Variants in HSD17B12 observed in about 807,000 individuals in gnomAD.
The protein encoded by HSD17B12 is hydroxysteroid 17-beta dehydrogenase 12, also known as very-long-chain 3-oxoacyl-CoA reductase.
Under a neutral mutation model 39.3 loss-of-function variants are expected in HSD17B12, and 32 were observed. The observed-to-expected ratio is 0.81, with a 90% CI of 0.61 to 1.09. HSD17B12 has a LOEUF of 1.09. Among genes scored for constraint, HSD17B12 ranks in the 50% least tolerant of loss-of-function variants. The pLI is 0.00. For missense variants in HSD17B12, 342 were observed against 382.9 expected (o/e 0.89, Z 0.89); for synonymous variants, 150 against 146.7 (o/e 1.02, Z -0.16).
intron 3 of HSD17B12, among the ~76,000 whole-genome samples, chr11:43,763,938 G>A (rs1364953921): frequency 1.3e-5 from 2 of 152,110 alleles, no homozygotes; most frequent in East Asian, 3.9e-4. Context: ...TTGATACCAC[G>A]TTTGTCCAAG....
At chr11:43,853,254 G>C (rs1211542897) in intron 9 of HSD17B12, 1 of 148,034 alleles carries the variant, frequency 6.8e-6, no homozygotes, top group Non-Finnish European at 1.5e-5. Context: ...GGAGAATGGT[G>C]TGAACCCAGG....
At chr11:43,557,623 C>T in the HSD17B12 span, among the ~76,000 whole-genome samples, 1 of 152,302 alleles carries the variant, frequency 6.6e-6, no homozygotes. Flanking sequence ...CAGCTCACAA[C>T]CACCTGTAGA....
chr11:43,601,476 T>C, the HSD17B12 span, among the ~76,000 whole-genome samples: 1 of 151,322 alleles, frequency 6.6e-6, no homozygotes, highest in Non-Finnish European at 1.5e-5. Context: ...TTTGGTTTTT[T>C]CCTTGGGGTC....
At chr11:43,579,255 C>G in the HSD17B12 span, 1 of 152,310 alleles carries the variant, frequency 6.6e-6, no homozygotes. Flanking sequence ...CTCGCTCTCC[C>G]GCTAAGCGAC....
chr11:43,668,036 A>G, the HSD17B12 span, among the ~76,000 whole-genome samples: 4 of 152,290 alleles, frequency 2.6e-5, no homozygotes, highest in African/African-American at 9.6e-5. Context: ...GTAGGAGGCT[A>G]GGGACCAGAG....
intron 3 of HSD17B12, among the ~76,000 whole-genome samples, chr11:43,765,826 A>G (rs961912277): frequency 2.0e-5 from 3 of 152,096 alleles, no homozygotes; most frequent in Non-Finnish European, 4.4e-5. Flanking sequence ...TGCCAATTTT[A>G]TATCTTCTAC....
chr11:43,678,303 G>A (rs1820560794), upstream of HSD17B12, among the ~76,000 whole-genome samples: 1 of 152,070 alleles, frequency 6.6e-6, no homozygotes, highest in Non-Finnish European at 1.5e-5. Context: ...TTGTAAATTT[G>A]TTTGAGTTCT....
chr11:43,675,886 C>A (rs1056217277), upstream of HSD17B12, among the ~76,000 whole-genome samples: 4 of 152,024 alleles, frequency 2.6e-5, no homozygotes, highest in African/African-American at 9.7e-5. Flanking sequence ...CCCAGGCAGG[C>A]GGATAATTTG....
At chr11:43,819,772 T>C (rs1951163679) in intron 6 of HSD17B12, among the ~76,000 whole-genome samples, 2 of 152,184 alleles carry the variant, frequency 1.3e-5, no homozygotes, top group South Asian at 4.1e-4. Flanking sequence ...CTACTTACAA[T>C]TTTTATACAT....
chr11:43,750,955 G>C lies in HSD17B12; in HGVS notation c.205G>C (p.Glu69Gln), dbSNP rs149132795. The C allele has an allele frequency of 6.3e-7, 1 of 1,589,596 alleles. No individual in the cohort carries two copies. The highest frequency in any genetic ancestry group is 8.6e-7 in the Non-Finnish European group (1 of 1,162,940). ...TGGAATTGGAAAATCATATGCAGAA[G>C]AGGTAGGTGATTTTCAAGATCTTTC... ...TDGIGKSYAE[E>Q]LAKHGMKVVL... The change falls in exon 2 of 11, where the codon GAG becomes CAG. Residue 69 changes from glutamate (E) to glutamine (Q), a missense_variant and splice_region_variant. Glu to Gln is a conservative substitution (Grantham distance 29). Transcript: ENST00000278353.
At chr11:43,723,549 T>G (rs925060772) in intron 1 of HSD17B12, among the ~76,000 whole-genome samples, 21 of 152,206 alleles carry the variant, frequency 1.4e-4, no homozygotes, top group Non-Finnish European at 2.9e-4. Context: ...GGTTAGTTAG[T>G]GGCATATTGC....
At chr11:43,726,429 T>G (rs2134876997) in intron 1 of HSD17B12, among the ~76,000 whole-genome samples, 1 of 152,290 alleles carries the variant, frequency 6.6e-6, no homozygotes, top group South Asian at 2.1e-4. Context: ...TTAGTAGGGC[T>G]TGAGATGGCT....
the HSD17B12 span, among the ~76,000 whole-genome samples, chr11:43,665,134 AG>A: frequency 6.6e-6 from 1 of 152,238 alleles, no homozygotes; most frequent in Non-Finnish European, 1.5e-5. Context: ...CTGAAAGAGA[AG>A]TGTCTGACAC....
rs1323687481 is a variant in HSD17B12 at position 43,817,048 on chromosome 11, A to G, written c.501+657A>G. Among the ~76,000 whole-genome samples the G allele has an allele frequency of 5.6e-5, 7 of 124,684 alleles. 1 individual carries two copies. Among genetic ancestry groups the G allele is most frequent in the African/African-American group, 2.3e-4 (7 of 31,072 alleles). 81.8% of individuals were successfully genotyped at this position (124,684 alleles called of 152,430 possible). A position where few individuals can be genotyped will look rare whatever the true frequency, so the allele number is the denominator to read the frequency against. ...TATATCTATATCTATATCTATATAT[A>G]TATATATATATCTCGTGGTTTTGGT... On this transcript the variant is annotated intron_variant, in intron 6 of 10. Coordinates refer to ENST00000278353, the MANE Select transcript of HSD17B12 (RefSeq NM_016142.3).
chr11:43,717,662 G>C (rs1950136364), intron 1 of HSD17B12, among the ~76,000 whole-genome samples: 1 of 152,136 alleles, frequency 6.6e-6, no homozygotes, highest in Non-Finnish European at 1.5e-5. Flanking sequence ...TCTTCCATGT[G>C]GTCTCTCATT....
chr11:43,784,128 A>G (rs1461665002), intron 3 of HSD17B12, among the ~76,000 whole-genome samples: 2 of 152,118 alleles, frequency 1.3e-5, no homozygotes, highest in Non-Finnish European at 2.9e-5. Context: ...GGCCCTTTTA[A>G]GGGCTTACAA....
the HSD17B12 span, among the ~76,000 whole-genome samples, chr11:43,582,957 C>A: frequency 3.7e-4 from 57 of 152,230 alleles, no homozygotes; most frequent in Non-Finnish European, 6.8e-4. Context: ...GGATTTTCCT[C>A]CCTGCCTCTC....
At chr11:43,842,831 AGT>A (rs1432381646) in intron 9 of HSD17B12, among the ~76,000 whole-genome samples, 2 of 152,226 alleles carry the variant, frequency 1.3e-5, no homozygotes, top group African/African-American at 2.4e-5. Context: ...AGAAGCTGTA[AGT>A]GTCTCAGTGA....
intron 1 of HSD17B12, 78 bp downstream of exon 1, chr11:43,681,065 G>A (rs4573668): frequency 6.8e-7 from 1 of 1,462,410 alleles, no homozygotes; most frequent in South Asian, 1.4e-5. Context: ...TAGTTCTGGG[G>A]TCTGCTCCTG....
Sources: gnomAD v4.1 joint callset for allele counts (sites outside exome capture counted in the v4.1 genomes callset) on GRCh38, gnomAD v4.1.1 for gene constraint, MANE v1.5 for transcripts, NCBI Gene and HGNC (gene_info 2026-07-23, HGNC 2026-07-21) for gene names.